Variants in KIF13B observed in about 807,000 individuals in gnomAD.
The protein encoded by KIF13B is kinesin-like protein KIF13B.
KIF13B carries 127 observed loss-of-function variants against 222.0 expected under a neutral mutation model. The observed-to-expected ratio is 0.57, with a 90% CI of 0.50 to 0.66. The LOEUF (loss-of-function observed/expected upper bound fraction) is 0.66. Among genes scored for constraint, KIF13B ranks in the 30% least tolerant of loss-of-function variants. The probability of loss-of-function intolerance (pLI) is 0.00; values close to 1 mark genes in which losing one functional copy is unlikely to be tolerated. For missense variants in KIF13B, 2,173 were observed against 2,379.0 expected, an observed-to-expected ratio of 0.91 and a Z score of 1.80; for synonymous variants, 976 against 919.0, an observed-to-expected ratio of 1.06 and a Z score of -1.12.
chr8:29,078,127 C>A (rs867874590), intron 37 of KIF13B, among the ~76,000 whole-genome samples: 43 of 74,278 alleles, frequency 5.8e-4, no homozygotes, highest in African/African-American at 7.8e-4. Context: ...TACTAAAATC[C>A]AAAAAAAAAA....
intron 2 of KIF13B, among the ~76,000 whole-genome samples, chr8:29,212,672 C>T (rs879650612): frequency 1.3e-5 from 2 of 151,862 alleles, no homozygotes; most frequent in African/African-American, 2.4e-5. Flanking sequence ...TTTGTGTAGA[C>T]ATTCGTTATT....
At position 29,188,601 on chromosome 8, in the gene KIF13B, T is replaced by A; in HGVS notation, c.230A>T (p.Asp77Val). 1 of 1,603,628 alleles carries A rather than the reference T, an allele frequency of 6.2e-7. No individual in the cohort carries two copies. The highest frequency in any genetic ancestry group is 8.5e-7 in the Non-Finnish European group (1 of 1,171,748). The change falls in exon 5 of 40, where the codon GAT becomes GTT. Residue 77 changes from aspartate (D) to valine (V), a missense_variant. Asp to Val is a radical substitution (Grantham distance 152). This residue lies in a region of KIF13B where 1,480 missense variants were observed against 1,722.8 expected (regional missense o/e 0.86). Transcript: ENST00000524189. ...ESVKEKYAGQ[D>V]IVFKCLGENI... ...CTCTCCAAGGCACTTGAAAACAATATCTTGACCTGAGAGAGAGAGAATAAG... is the reference window on the plus strand; with the variant it reads ...CTCTCCAAGGCACTTGAAAACAATAACTTGACCTGAGAGAGAGAGAATAAG...
In KIF13B at chr8:29,228,472, A is replaced by AAAAAAAATATATATAT; in HGVS notation, c.149+16873_149+16874insATATATATATTTTTTT. Among the ~76,000 whole-genome samples the AAAAAAAATATATATAT allele has an allele frequency of 1.6e-4, 19 of 117,080 alleles. 3 individuals carry two copies. Among genetic ancestry groups the AAAAAAAATATATATAT allele is most frequent in the East Asian group, 2.1e-4 (1 of 4,808 alleles). The allele number at this position is 117,080 out of a possible 152,430, so 76.8% of individuals were successfully genotyped here. A position where few individuals can be genotyped will look rare whatever the true frequency, so the allele number is the denominator to read the frequency against. ...ACAGAGCCAGACTCCATCTTAAAAA[A>AAAAAAAATATATATAT]ATATATATATATATATATGAGATAC... On this transcript the variant is annotated intron_variant, in intron 2 of 39. Coordinates refer to ENST00000524189, the MANE Select transcript of KIF13B (RefSeq NM_015254.4).
chr8:29,153,600 G>A (rs1017613538), intron 14 of KIF13B, among the ~76,000 whole-genome samples: 1 of 151,032 alleles, frequency 6.6e-6, no homozygotes, highest in Non-Finnish European at 1.5e-5. Context: ...CGTTTATTAA[G>A]ATACAGGATA....
At chr8:29,223,641 GT>G (rs957236808) in intron 2 of KIF13B, among the ~76,000 whole-genome samples, 4 of 152,156 alleles carry the variant, frequency 2.6e-5, no homozygotes, top group Non-Finnish European at 4.4e-5. Context: ...TATTCCTCTG[GT>G]TAATGTATGT....
At chr8:29,139,954 A>G in intron 21 of KIF13B, 109 bp downstream of exon 21, 7 of 965,436 alleles carry the variant, frequency 7.3e-6, no homozygotes, top group Non-Finnish European at 1.1e-5. Flanking sequence ...TCTCAAAATC[A>G]GCTATTAGGT....
intron 23 of KIF13B, 44 bp downstream of exon 23, chr8:29,132,264 A>T (rs1586821080): frequency 7.4e-7 from 1 of 1,350,062 alleles, no homozygotes; most frequent in Non-Finnish European, 9.7e-7. Context: ...CAAAAAAAAA[A>T]TTACATATAT....
intron 2 of KIF13B, among the ~76,000 whole-genome samples, chr8:29,225,444 G>A (rs1234267752): frequency 6.6e-6 from 1 of 152,164 alleles, no homozygotes; most frequent in Non-Finnish European, 1.5e-5. Flanking sequence ...GCTTAGGTGG[G>A]AGCGTGACTG....
At position 29,236,921 on chromosome 8, in the gene KIF13B, G is replaced by T. The variant is rs966907767; in HGVS notation, c.149+8425C>A. On this transcript the variant is annotated intron_variant, in intron 2 of 39. Transcript: ENST00000524189. The stretch of plus-strand genomic sequence containing the variant: ...TTTCTGCTTTCCAGTTTTTTGTTTT[G>T]CTTTTTTTTACTAGTATGCTTATAG... Among the ~76,000 whole-genome samples, 4 of 143,516 alleles carry T rather than the reference G, an allele frequency of 2.8e-5. No individual in the cohort carries two copies. The South Asian group carries it at 6.5e-4, about 23-fold the overall frequency. 94.2% of individuals were successfully genotyped at this position (143,516 alleles called of 152,430 possible).
At chr8:29,261,123 G>A (rs991124243) in intron 1 of KIF13B, among the ~76,000 whole-genome samples, 1 of 152,184 alleles carries the variant, frequency 6.6e-6, no homozygotes, top group African/African-American at 2.4e-5. Flanking sequence ...CTAAGAATGG[G>A]CACTAAGTGA....
At chr8:29,150,860 C>T (rs969874414) in intron 14 of KIF13B, among the ~76,000 whole-genome samples, 2 of 152,110 alleles carry the variant, frequency 1.3e-5, no homozygotes, top group African/African-American at 4.8e-5. Context: ...CCCCGAGACA[C>T]AACCATATTG....
intron 32 of KIF13B, among the ~76,000 whole-genome samples, chr8:29,110,324 C>A (rs1809297732): frequency 6.6e-6 from 1 of 152,212 alleles, no homozygotes; most frequent in Admixed American, 6.5e-5. Context: ...CTACTACATT[C>A]CCACTACAAA....
chr8:29,116,835 C>A lies in KIF13B; in HGVS notation c.3833G>T (p.Arg1278Leu). 1.2e-6 allele frequency: 2 copies of A among 1,601,822 alleles called. No homozygotes were observed. The highest frequency in any genetic ancestry group is 1.7e-6 in the Non-Finnish European group (2 of 1,171,612). The stretch of plus-strand genomic sequence containing the variant: ...TTTCTTCCACTGAAGACTAACCTGG[C>A]GGCCGTGAACATTGACACAGATTCT... ...RKRICVNVHG[R>L]QGFAQSLLKK... The change falls in exon 31 of 40, where the codon CGC becomes CTC. Residue 1278 changes from arginine to leucine, a missense_variant. Arg to Leu is a moderately radical substitution (Grantham distance 102). This residue lies in a region of KIF13B where 1,480 missense variants were observed against 1,722.8 expected (regional missense o/e 0.86). Transcript: ENST00000524189.
intron 2 of KIF13B, among the ~76,000 whole-genome samples, chr8:29,236,263 A>G (rs150419370): frequency 0.015 from 2,219 of 152,352 alleles, 32 homozygotes; most frequent in African/African-American, 0.036. Context: ...ATGTTTACAA[A>G]TAATAAAAGA....
chr8:29,225,497 G>A (rs1174675473), intron 2 of KIF13B, among the ~76,000 whole-genome samples: 1 of 152,138 alleles, frequency 6.6e-6, no homozygotes, highest in Non-Finnish European at 1.5e-5. Context: ...TGATGCTGGC[G>A]AAGATACAGT....
chr8:29,103,702 T>C (rs1293321946), intron 35 of KIF13B, among the ~76,000 whole-genome samples: 2 of 152,020 alleles, frequency 1.3e-5, no homozygotes, highest in East Asian at 1.9e-4. Flanking sequence ...CATCGACAAA[T>C]AGAGGAATGG....
chr8:29,261,660 T>A (rs1445506697), intron 1 of KIF13B, among the ~76,000 whole-genome samples: 2 of 152,222 alleles, frequency 1.3e-5, no homozygotes, highest in Non-Finnish European at 2.9e-5. Flanking sequence ...TTGTGTGTTG[T>A]CAGAGCACGA....
Position 29,070,588 on chromosome 8 carries a change from G to C in KIF13B, c.5397C>G (p.Thr1799=). The part of the protein sequence containing the change: ...RRSATLSGSA[T]NLASLTAALA... ...GGGCAGCTGTCAGCGAGGCCAGGTT[G>C]GTGGCGGAGCCCGAGAGGGTGGCGC... The change falls in exon 40 of 40, where the codon ACC becomes ACG. Residue 1799 remains threonine, a synonymous_variant. Transcript: ENST00000524189. The surrounding 1 kb of genome is among the most constrained non-coding windows in gnomAD (Gnocchi z 4.1). 1.9e-6 allele frequency: 3 copies of C among 1,600,282 alleles called. No homozygotes were observed. Among genetic ancestry groups the C allele is most frequent in the Non-Finnish European group, 2.6e-6 (3 of 1,173,726 alleles).
intron 1 of KIF13B, among the ~76,000 whole-genome samples, chr8:29,253,893 T>C (rs1192763170): frequency 2.7e-5 from 4 of 147,394 alleles, no homozygotes; most frequent in African/African-American, 1.0e-4. Flanking sequence ...AAAACAATCT[T>C]GAAAAAGAAA....
Sources: allele counts gnomAD v4.1 joint callset (sites outside exome capture counted in the v4.1 genomes callset), GRCh38; gene constraint gnomAD v4.1.1; regional missense constraint gnomAD v4.1.1; non-coding constraint Gnocchi (gnomAD v3.1); transcripts MANE v1.5; gene names NCBI Gene and HGNC (gene_info 2026-07-23, HGNC 2026-07-21).